The following XPOT variants were observed in gnomAD, a reference collection of about 807,000 sequenced individuals.
XPOT encodes the protein exportin-T.
Under a neutral mutation model 128.2 loss-of-function variants are expected in XPOT, and 34 were observed. That is an observed-to-expected ratio of 0.27 (90% confidence interval 0.20 to 0.35). XPOT has a LOEUF of 0.35. Among genes scored for constraint, XPOT ranks in the 10% least tolerant of loss-of-function variants. XPOT has a pLI of 1.00. For missense variants in XPOT, 838 were observed against 1,125.3 expected (o/e 0.74, Z 3.65); for synonymous variants, 348 against 394.3 (o/e 0.88, Z 1.39).
intron 16 of XPOT, among the ~76,000 whole-genome samples, chr12:64,428,953 G>C (rs529562923): frequency 6.6e-6 from 1 of 152,290 alleles, no homozygotes; most frequent in Non-Finnish European, 1.5e-5. Context: ...GTAGTTGTGT[G>C]CCACTCTGCT....
chr12:64,450,468 A>G lies in XPOT; in HGVS notation c.*2337A>G, dbSNP rs2136045819. ...CCTTACTATGCTATCAATTCCATAT[A>G]TGGAAAGGTGTTTTCCCTTTCAGAG... On this transcript the variant is annotated 3_prime_UTR_variant, in exon 25 of 25. Transcript: ENST00000332707. The G allele has an allele frequency of 6.6e-6, 1 of 152,322 alleles. No homozygotes were observed. The highest frequency in any genetic ancestry group is 1.9e-4 in the East Asian group (1 of 5,190). 9.4% of individuals were successfully genotyped at this position (152,322 alleles called of 1,614,324 possible). A position where few individuals can be genotyped will look rare whatever the true frequency, so the allele number is the denominator to read the frequency against.
At chr12:64,427,956 A>C in intron 15 of XPOT, 95 bp from the exon 16 acceptor site, 1 of 798,468 alleles carries the variant, frequency 1.3e-6, no homozygotes, top group Non-Finnish European at 2.1e-6. Context: ...CTACAACTGA[A>C]CTTTTTTTTA....
Position 64,418,002 on chromosome 12 carries a change from C to T in XPOT, c.201-44C>T, listed in dbSNP as rs746581959. 5 of 1,498,760 alleles carry T rather than the reference C, an allele frequency of 3.3e-6. No individual in the cohort carries two copies. The South Asian group carries it at 6.0e-5, about 18-fold the overall frequency. The allele number at this position is 1,498,760 out of a possible 1,614,324, so 92.8% of individuals were successfully genotyped here. On this transcript the variant is annotated intron_variant, in intron 4 of 24. Coordinates refer to ENST00000332707, the MANE Select transcript of XPOT (RefSeq NM_007235.6). ...GGCTGTTATTTTTTACAACCATAGACACCAAATATAGCCATTATTCTTTTT... is the reference window on the plus strand; with the variant it reads ...GGCTGTTATTTTTTACAACCATAGATACCAAATATAGCCATTATTCTTTTT...
chr12:64,418,862 T>A lies in XPOT; in HGVS notation c.271-14T>A. 1.9e-6 allele frequency: 3 copies of A among 1,611,462 alleles called. No homozygotes were observed. Among genetic ancestry groups the A allele is most frequent in the Non-Finnish European group, 2.5e-6 (3 of 1,178,660 alleles). ...TTTACATTTAATTTTATGGACTGTTTCTCTGTTTGTCAGATGCTGAATCCC... is the reference window on the plus strand; with the variant it reads ...TTTACATTTAATTTTATGGACTGTTACTCTGTTTGTCAGATGCTGAATCCC... On this transcript the variant is annotated splice_polypyrimidine_tract_variant and intron_variant, in intron 5 of 24. Coordinates refer to ENST00000332707, the MANE Select transcript of XPOT (RefSeq NM_007235.6).
At position 64,425,157 on chromosome 12, in the gene XPOT, G is replaced by A. The variant is rs773070686; in HGVS notation, c.1427G>A (p.Ser476Asn). The change falls in exon 13 of 25, where the codon AGT becomes AAT. Residue 476 changes from serine to asparagine, a missense_variant. Coordinates refer to ENST00000332707, the MANE Select transcript of XPOT (RefSeq NM_007235.6). ...TTCTCAGGTGATGTTTCAAAAGCTA[G>A]TGCTTTGCAGGATATGATGCGAACT... ...AHFSGDVSKA[S>N]ALQDMMRTLV... 1.0e-4 allele frequency: 163 copies of A among 1,613,974 alleles called. 1 individual carries two copies. The highest frequency in any genetic ancestry group is 1.4e-4 in the Non-Finnish European group (161 of 1,179,992).
chr12:64,406,301 C>G (rs2039982262), intron 1 of XPOT, among the ~76,000 whole-genome samples: 1 of 151,874 alleles, frequency 6.6e-6, no homozygotes, highest in African/African-American at 2.4e-5. Flanking sequence ...GTCTCGAACT[C>G]CTGACCTCGT....
intron 24 of XPOT, among the ~76,000 whole-genome samples, chr12:64,445,604 T>G (rs111865549): frequency 6.6e-6 from 1 of 152,288 alleles, no homozygotes; most frequent in Non-Finnish European, 1.5e-5. Flanking sequence ...CACGTGTTTA[T>G]TTGGTATTCA....
chr12:64,414,901 T>G lies in XPOT; in HGVS notation c.61-6T>G. The G allele has an allele frequency of 6.2e-7, 1 of 1,602,622 alleles. No homozygotes were observed. Among genetic ancestry groups the G allele is most frequent in the Non-Finnish European group, 8.5e-7 (1 of 1,169,934 alleles). ...AAATGCATTTTTTTGTTTTGCAATC[T>G]TATAGGCCCTGGCCTATTTTGAGCA... On this transcript the variant is annotated splice_region_variant and splice_polypyrimidine_tract_variant and intron_variant, in intron 2 of 24. Transcript: ENST00000332707.
Position 64,433,465 on chromosome 12 carries a change from A to G in XPOT, c.2314A>G (p.Ile772Val), listed in dbSNP as rs2040256026. The G allele has an allele frequency of 3.7e-6, 6 of 1,602,382 alleles. No individual in the cohort carries two copies. The highest frequency in any genetic ancestry group is 3.3e-5 in the South Asian group (3 of 89,850). ...QQMFMPLLHA[I>V]FEVLLRPAEE... ...GATGTTCATGCCCCTGCTTCATGCA[A>G]TTTTTGAAGTGCTGCTCCGGCCAGC... Residue 772 changes from isoleucine (I) to valine (V), a missense_variant, in exon 19 of 25, where the codon ATT becomes GTT. By Grantham distance (29) the Ile-to-Val change is conservative. Around this residue, in one of 3 missense-constraint regions of XPOT, gnomAD observed 761 missense variants for 988.3 expected, o/e 0.77. Coordinates refer to ENST00000332707, the MANE Select transcript of XPOT (RefSeq NM_007235.6).
At chr12:64,426,498 C>T (rs1338937274) in intron 15 of XPOT, among the ~76,000 whole-genome samples, 1 of 152,012 alleles carries the variant, frequency 6.6e-6, no homozygotes, top group Non-Finnish European at 1.5e-5. Flanking sequence ...CTTGGGTACA[C>T]ACAGATATGA....
At chr12:64,422,913 A>AC (rs979101979) in intron 9 of XPOT, 92 bp from the exon 10 acceptor site, 21 of 1,371,292 alleles carry the variant, frequency 1.5e-5, no homozygotes, top group African/African-American at 3.0e-5. Context: ...AAAAAAAAAA[A>AC]AAAAAACCAG....
intron 13 of XPOT, 53 bp downstream of exon 13, chr12:64,425,235 T>C: frequency 6.2e-7 from 1 of 1,610,324 alleles, no homozygotes. Flanking sequence ...CAGTATAAGC[T>C]AATGGGAGTT....
At chr12:64,435,059 C>G (rs2040271166) in intron 21 of XPOT, 150 bp downstream of exon 21, 1 of 641,304 alleles carries the variant, frequency 1.6e-6, no homozygotes, top group Non-Finnish European at 2.6e-6. Flanking sequence ...ATTTATGATA[C>G]CTTCTGGAGT....
chr12:64,410,518 C>A (rs997670628), intron 2 of XPOT, among the ~76,000 whole-genome samples: 1 of 151,802 alleles, frequency 6.6e-6, no homozygotes, highest in Admixed American at 6.6e-5. Context: ...GATAGGGTTT[C>A]ACCATCTTGC....
chr12:64,406,797 A>G (rs955530580), intron 1 of XPOT, among the ~76,000 whole-genome samples: 1 of 152,166 alleles, frequency 6.6e-6, no homozygotes, highest in African/African-American at 2.4e-5. Context: ...GGGAATGGAC[A>G]TCAGATTTTC....
chr12:64,408,847 T>A (rs2040008191), intron 1 of XPOT, among the ~76,000 whole-genome samples: 1 of 152,150 alleles, frequency 6.6e-6, no homozygotes. Flanking sequence ...CTGATTTTTG[T>A]CTTTTTAGTA....
At position 64,450,093 on chromosome 12, in the gene XPOT, G is replaced by T. The variant is rs375310037; in HGVS notation, c.*1962G>T. The T allele has an allele frequency of 2.0e-4, 31 of 152,116 alleles. No individual in the cohort carries two copies. The highest frequency in any genetic ancestry group is 4.0e-4 in the Non-Finnish European group (27 of 67,984). The allele number at this position is 152,116 out of a possible 1,614,324, so 9.4% of individuals were successfully genotyped here. A position where few individuals can be genotyped will look rare whatever the true frequency, so the allele number is the denominator to read the frequency against. On this transcript the variant is annotated 3_prime_UTR_variant, in exon 25 of 25. Coordinates refer to ENST00000332707, the MANE Select transcript of XPOT (RefSeq NM_007235.6). ...GTAGCTGGCACATAAAGACTTGATA[G>T]TAGTTTATATGGATGCTATCTCATA...
intron 8 of XPOT, 151 bp downstream of exon 8, chr12:64,420,672 T>C: frequency 1.7e-6 from 1 of 598,998 alleles, no homozygotes; most frequent in Non-Finnish European, 2.8e-6. Context: ...AGCCAAAATG[T>C]TCTCAGTAGC....
At chr12:64,420,870 G>A (rs1296068110) in intron 8 of XPOT, among the ~76,000 whole-genome samples, 2 of 152,010 alleles carry the variant, frequency 1.3e-5, no homozygotes, top group Admixed American at 1.3e-4. Flanking sequence ...GCACAGTCTC[G>A]GCTCACTGCA....
Sources: allele counts gnomAD v4.1 joint callset (sites outside exome capture counted in the v4.1 genomes callset), GRCh38; gene constraint gnomAD v4.1.1; regional missense constraint gnomAD v4.1.1; transcripts MANE v1.5; gene names NCBI Gene and HGNC (gene_info 2026-07-23, HGNC 2026-07-21).